Variants in PHACTR3 observed in about 807,000 individuals in gnomAD.
PHACTR3 encodes protein phosphatase 1, regulatory subunit 123.
Under a neutral mutation model 66.8 loss-of-function variants are expected in PHACTR3, and 16 were observed. That is an observed-to-expected ratio of 0.24 (90% CI 0.16 to 0.36). The LOEUF is 0.36. Among genes scored for constraint, PHACTR3 ranks in the 10% least tolerant of loss-of-function variants. The probability of loss-of-function intolerance (pLI) is 1.00; values close to 1 mark genes in which losing one functional copy is unlikely to be tolerated. For missense variants in PHACTR3, 647 were observed against 719.9 expected (o/e 0.90, Z 1.16); for synonymous variants, 323 against 292.1 (o/e 1.11, Z -1.08).
chr20:59,701,025 C>G (rs1376681994), intron 1 of PHACTR3, among the ~76,000 whole-genome samples: 1 of 152,120 alleles, frequency 6.6e-6, no homozygotes, highest in African/African-American at 2.4e-5. Context: ...CTCCTGGGCT[C>G]ATGTGATCCT....
At chr20:59,746,970 T>TAA (rs10661438) in intron 2 of PHACTR3, among the ~76,000 whole-genome samples, 12,544 of 152,190 alleles carry the variant, frequency 0.082, 988 homozygotes, top group East Asian at 0.34. Flanking sequence ...TTGAGGTGGT[T>TAA]ATGTAGTCTT....
chr20:59,599,154 T>TG (rs1383993986), intron 1 of PHACTR3, among the ~76,000 whole-genome samples: 1 of 152,206 alleles, frequency 6.6e-6, no homozygotes, highest in Non-Finnish European at 1.5e-5. Context: ...AGCTTGGCCG[T>TG]GGGGAGGCTG....
intron 5 of PHACTR3, among the ~76,000 whole-genome samples, chr20:59,769,886 G>A (rs1353280364): frequency 6.6e-6 from 1 of 152,186 alleles, no homozygotes; most frequent in Non-Finnish European, 1.5e-5. Context: ...CAAAGTTTGA[G>A]GCAAAACTGT....
intron 1 of PHACTR3, among the ~76,000 whole-genome samples, chr20:59,614,335 G>A (rs1414477785): frequency 6.6e-6 from 1 of 152,240 alleles, no homozygotes; most frequent in Non-Finnish European, 1.5e-5. Flanking sequence ...CATTTAACCA[G>A]AATGGCCACT....
rs1228437426 is a variant in PHACTR3, at chr20:59,815,850, TCTC to T, written c.1328+9659_1328+9661del. On this transcript the variant is annotated intron_variant, in intron 8 of 12. Coordinates refer to ENST00000371015, the MANE Select transcript of PHACTR3 (RefSeq NM_080672.5). ...TTTAAGCATGTCAGGTGTGCAAACA[TCTC>T]CTATGGTTGTGGGAATTTCTCCTTG... Among the ~76,000 whole-genome samples, 3 of 152,128 alleles carry T rather than the reference TCTC, an allele frequency of 2.0e-5. No homozygotes were observed. In the East Asian group the frequency reaches 5.8e-4, roughly 29 times the overall value.
intron 1 of PHACTR3, among the ~76,000 whole-genome samples, chr20:59,697,535 T>A (rs1312401012): frequency 6.6e-6 from 1 of 152,128 alleles, no homozygotes; most frequent in African/African-American, 2.4e-5. Context: ...ATGAGACCAT[T>A]GGTAACTCAT....
At chr20:59,754,937 G>A (rs925857080) in intron 3 of PHACTR3, among the ~76,000 whole-genome samples, 2 of 152,236 alleles carry the variant, frequency 1.3e-5, no homozygotes, top group African/African-American at 2.4e-5. Context: ...ACAGGTGTCG[G>A]AGGAAGAGTG....
chr20:59,667,666 C>A (rs151053593), intron 1 of PHACTR3, among the ~76,000 whole-genome samples: 1 of 152,218 alleles, frequency 6.6e-6, no homozygotes, highest in South Asian at 2.1e-4. Flanking sequence ...ATTTTCCTTC[C>A]AGGCCAGCCT....
At chr20:59,734,545 CTGTT>C (rs918697437) in intron 1 of PHACTR3, among the ~76,000 whole-genome samples, 100 of 150,100 alleles carry the variant, frequency 6.7e-4, no homozygotes, top group African/African-American at 2.4e-3. Context: ...CCTAAAAATT[CTGTT>C]TGTTTGTTTT....
At chr20:59,763,225 G>A (rs753316795) in intron 4 of PHACTR3, among the ~76,000 whole-genome samples, 41 of 152,292 alleles carry the variant, frequency 2.7e-4, no homozygotes, top group African/African-American at 3.9e-4. Flanking sequence ...CCTTCCTGCC[G>A]CCTTGTGAAG....
chr20:59,721,266 G>A (rs2038282549), intron 1 of PHACTR3: 1 of 152,284 alleles, frequency 6.6e-6, no homozygotes, highest in African/African-American at 2.4e-5. Context: ...TGCTGCCCCA[G>A]GCTGTGTAGG....
chr20:59,716,775 G>A (rs1031825426), intron 1 of PHACTR3, among the ~76,000 whole-genome samples: 1 of 152,146 alleles, frequency 6.6e-6, no homozygotes, highest in Non-Finnish European at 1.5e-5. Context: ...GAAAACAGTT[G>A]CACCTCTTCT....
At position 59,738,515 on chromosome 20, in the gene PHACTR3, T is replaced by C. The variant is rs2146748292; in HGVS notation, c.119-4592T>C. 6.6e-6 allele frequency among the ~76,000 whole-genome samples: 1 copy of C among 151,834 alleles called. No individual in the cohort carries two copies. The highest frequency in any genetic ancestry group is 2.0e-4 in the East Asian group (1 of 5,106). On this transcript the variant is annotated intron_variant, in intron 1 of 12. Transcript: ENST00000371015. This position sits in a 1 kb window ranked among gnomAD's most constrained non-coding sequence, Gnocchi z 4.4. Reference sequence around the variant, plus strand: ...TGGTACTGGACCAGGGTTGTTATGATGCAGGTGGCAAAGAAAGTTGGGTTC... The same window carrying C: ...TGGTACTGGACCAGGGTTGTTATGACGCAGGTGGCAAAGAAAGTTGGGTTC...
At chr20:59,634,005 T>C (rs1420820796) in intron 1 of PHACTR3, among the ~76,000 whole-genome samples, 1 of 152,194 alleles carries the variant, frequency 6.6e-6, no homozygotes, top group Non-Finnish European at 1.5e-5. Context: ...CTGGGAAATG[T>C]CTAATTTTTA....
intron 1 of PHACTR3, among the ~76,000 whole-genome samples, chr20:59,707,745 C>T (rs1045331343): frequency 4.6e-5 from 7 of 152,058 alleles, no homozygotes; most frequent in South Asian, 2.1e-4. Context: ...GGATTACAGG[C>T]GTGAGCCCCC....
At chr20:59,786,086 G>GT (rs1253797739) in intron 7 of PHACTR3, among the ~76,000 whole-genome samples, 3 of 152,232 alleles carry the variant, frequency 2.0e-5, no homozygotes, top group Non-Finnish European at 4.4e-5. Context: ...TCAGTTCGGT[G>GT]TTTTGCCAGC....
chr20:59,651,232 A>C (rs1438734405), intron 1 of PHACTR3, among the ~76,000 whole-genome samples: 1 of 152,210 alleles, frequency 6.6e-6, no homozygotes, highest in Non-Finnish European at 1.5e-5. Flanking sequence ...AAAGTAAAAA[A>C]TGTAAATGAA....
intron 4 of PHACTR3, among the ~76,000 whole-genome samples, chr20:59,761,403 G>A (rs1199639850): frequency 6.6e-6 from 1 of 152,154 alleles, no homozygotes; most frequent in African/African-American, 2.4e-5. Flanking sequence ...TGCCCAAGCT[G>A]AGACCAAGGT....
intron 1 of PHACTR3, among the ~76,000 whole-genome samples, chr20:59,676,482 CT>C (rs1431122480): frequency 6.6e-6 from 1 of 152,032 alleles, no homozygotes; most frequent in Admixed American, 6.5e-5. Flanking sequence ...TCTCTGCTTC[CT>C]GCAACATCTA....
Sources: gnomAD v4.1 joint callset for allele counts (sites outside exome capture counted in the v4.1 genomes callset) on GRCh38, gnomAD v4.1.1 for gene constraint, Gnocchi (gnomAD v3.1) non-coding constraint, MANE v1.5 for transcripts, NCBI Gene and HGNC (gene_info 2026-07-23, HGNC 2026-07-21) for gene names.